ANO3: variants seen among roughly 807,000 people sequenced by gnomAD.
ANO3 encodes anoctamin-3.
A neutral mutation model predicts 144.8 loss-of-function variants in ANO3; 99 were observed. That is an observed-to-expected ratio of 0.68 (90% confidence interval 0.58 to 0.81). The LOEUF (loss-of-function observed/expected upper bound fraction) is 0.81, where lower values mean the gene tolerates loss of function less well. ANO3 is among the 30% of genes least tolerant of loss of function. The pLI, the probability that ANO3 is intolerant of heterozygous loss-of-function variation, is 0.00. For missense variants in ANO3, 905 were observed against 1,202.2 expected, an observed-to-expected ratio of 0.75 and a Z score of 3.66; for synonymous variants, 414 against 392.6, an observed-to-expected ratio of 1.05 and a Z score of -0.64.
rs529559571 is a variant in ANO3, at chr11:26,656,014, C to G, written c.2577-111C>G. The G allele has an allele frequency of 3.6e-6, 3 of 845,060 alleles. No homozygotes were observed. In the South Asian group the frequency reaches 5.4e-5, roughly 15 times the overall value. The allele number at this position is 845,060 out of a possible 1,614,324, so 52.3% of individuals were successfully genotyped here. On this transcript the variant is annotated intron_variant, in intron 24 of 26. Coordinates refer to ENST00000256737, the MANE Select transcript of ANO3 (RefSeq NM_031418.4). ...AAGAGCTTGGTTGCTAAAAGTTTAT[C>G]ATTAGAATGGAAAGAATAATACATT...
chr11:26,219,755 T>C (rs939903714), intron 1 of ANO3, among the ~76,000 whole-genome samples: 2 of 152,050 alleles, frequency 1.3e-5, no homozygotes, highest in Non-Finnish European at 2.9e-5. Flanking sequence ...AATGTATTAC[T>C]TACAGATAGA....
In ANO3 at chr11:26,535,571, C is replaced by CTTTTT. The variant is rs72278856; in HGVS notation, c.976+1034_976+1038dup. Reference sequence around the variant, plus strand: ...AATACACTATGTTTCAAGACAGCCACTTTTTTTTTTTTTTTTTTTTTTTTT... The same window carrying CTTTTT: ...AATACACTATGTTTCAAGACAGCCACTTTTTTTTTTTTTTTTTTTTTTTTTTTTTT... On this transcript the variant is annotated intron_variant, in intron 9 of 26. Transcript: ENST00000256737. 2.4e-4 allele frequency among the ~76,000 whole-genome samples: 14 copies of CTTTTT among 58,610 alleles called. 3 individuals carry two copies. The highest frequency in any genetic ancestry group is 4.5e-4 in the African/African-American group (6 of 13,306). 38.5% of individuals were successfully genotyped at this position (58,610 alleles called of 152,430 possible). A position where few individuals can be genotyped will look rare whatever the true frequency, so the allele number is the denominator to read the frequency against.
At chr11:26,216,765 C>T (rs558368747) in intron 1 of ANO3, among the ~76,000 whole-genome samples, 1 of 152,118 alleles carries the variant, frequency 6.6e-6, no homozygotes, top group Admixed American at 6.6e-5. Flanking sequence ...TTGCTTTGCA[C>T]TCTGTCCAAC....
chr11:26,253,863 T>G (rs1852994882), intron 1 of ANO3, among the ~76,000 whole-genome samples: 1 of 152,096 alleles, frequency 6.6e-6, no homozygotes, highest in South Asian at 2.1e-4. Context: ...TTTTATGAGG[T>G]CTCAAGGACA....
chr11:26,295,866 A>G (rs1013952717), intron 1 of ANO3, among the ~76,000 whole-genome samples: 1 of 152,076 alleles, frequency 6.6e-6, no homozygotes, highest in African/African-American at 2.4e-5. Flanking sequence ...CACCCTTTTT[A>G]TGTTCTTCAT....
chr11:26,596,444 G>T (rs1166675374), intron 14 of ANO3, among the ~76,000 whole-genome samples: 1 of 152,110 alleles, frequency 6.6e-6, no homozygotes, highest in Non-Finnish European at 1.5e-5. Context: ...AAAGTACTGG[G>T]TTATCAATTC....
intron 1 of ANO3, among the ~76,000 whole-genome samples, chr11:26,401,708 C>G (rs1490981708): frequency 6.6e-6 from 1 of 151,932 alleles, no homozygotes; most frequent in East Asian, 1.9e-4. Flanking sequence ...AAAACTCCAG[C>G]TCTATTAAAA....
chr11:26,563,393 CTCTGTGTGTGTGTGTG>C, intron 14 of ANO3: 2 of 825,498 alleles, frequency 2.4e-6, no homozygotes, highest in Non-Finnish European at 3.4e-6. Flanking sequence ...GTGTTTCTCT[CTCTGTGTGTGTGTGTG>C]TGTGTGTGTG....
chr11:26,627,855 G>GCA (rs1852643375), intron 18 of ANO3, among the ~76,000 whole-genome samples: 1 of 99,040 alleles, frequency 1.0e-5, no homozygotes, highest in Admixed American at 1.1e-4. Flanking sequence ...GTGTGTGTGT[G>GCA]CGCCTGACAT....
intron 1 of ANO3, among the ~76,000 whole-genome samples, chr11:26,430,282 G>A (rs1858046093): frequency 6.6e-6 from 1 of 151,024 alleles, no homozygotes; most frequent in East Asian, 1.9e-4. Flanking sequence ...AAGGTTTAAT[G>A]GATAAGGTAG....
intron 1 of ANO3, among the ~76,000 whole-genome samples, chr11:26,291,913 C>A (rs1379483606): frequency 6.6e-6 from 1 of 152,084 alleles, no homozygotes; most frequent in Non-Finnish European, 1.5e-5. Flanking sequence ...TGAGGAGTAT[C>A]TTTGTGGCGT....
chr11:26,481,534 G>T (rs988490818), intron 4 of ANO3, among the ~76,000 whole-genome samples: 2 of 152,106 alleles, frequency 1.3e-5, no homozygotes, highest in African/African-American at 2.4e-5. Flanking sequence ...ATAACAAAAA[G>T]ACCTAAAATG....
chr11:26,565,900 A>G (rs1423524596), intron 14 of ANO3: 1 of 1,568,550 alleles, frequency 6.4e-7, no homozygotes, highest in Non-Finnish European at 8.6e-7. Flanking sequence ...AAGGAATCTG[A>G]AAGAAAATAA....
chr11:26,496,475 A>G (rs1272258262), intron 4 of ANO3, among the ~76,000 whole-genome samples: 1 of 152,058 alleles, frequency 6.6e-6, no homozygotes, highest in Non-Finnish European at 1.5e-5. Context: ...TTGATTTCTG[A>G]TTTCCACTTT....
intron 1 of ANO3, among the ~76,000 whole-genome samples, chr11:26,392,100 C>T (rs1326664976): frequency 6.6e-6 from 1 of 152,054 alleles, no homozygotes; most frequent in Non-Finnish European, 1.5e-5. Flanking sequence ...ACAGCATGCC[C>T]AAAACTCTCC....
chr11:26,661,473 G>A lies in ANO3; in HGVS notation c.*1029G>A, dbSNP rs559536570. The A allele has an allele frequency of 3.9e-5, 6 of 152,632 alleles. No homozygotes were observed. Among genetic ancestry groups the A allele is most frequent in the Admixed American group, 2.6e-4 (4 of 15,266 alleles). The allele number at this position is 152,632 out of a possible 1,614,324, so 9.5% of individuals were successfully genotyped here. A position where few individuals can be genotyped will look rare whatever the true frequency, so the allele number is the denominator to read the frequency against. On this transcript the variant is annotated 3_prime_UTR_variant, in exon 27 of 27. Transcript: ENST00000256737. ...TTATTCGGGAAAACTGAGGCCAGATGCTCTGCAACACTTACGCTTTTTCAA... is the reference window on the plus strand; with the variant it reads ...TTATTCGGGAAAACTGAGGCCAGATACTCTGCAACACTTACGCTTTTTCAA...
rs140023572 is a variant in ANO3 at position 26,597,705 on chromosome 11, G to A, written c.1448-660G>A. 7.7e-4 allele frequency among the ~76,000 whole-genome samples: 118 copies of A among 152,320 alleles called. 1 individual carries two copies. Among genetic ancestry groups the A allele is most frequent in the African/African-American group, 2.8e-3 (115 of 41,566 alleles). On this transcript the variant is annotated intron_variant, in intron 14 of 26. Transcript: ENST00000256737. ...TACCACAGATTTCTAAAACATATAT[G>A]TGAGTTCTTAGTTGTGTCCACAAAG...
chr11:26,467,680 C>A (rs987026965), intron 4 of ANO3, among the ~76,000 whole-genome samples: 1 of 150,844 alleles, frequency 6.6e-6, no homozygotes, highest in South Asian at 2.1e-4. Context: ...TATCCATTCG[C>A]CTGTTGATGG....
At chr11:26,575,746 C>G (rs1850968977) in intron 14 of ANO3, among the ~76,000 whole-genome samples, 1 of 152,104 alleles carries the variant, frequency 6.6e-6, no homozygotes, top group Admixed American at 6.6e-5. Context: ...AGTAGTAAAT[C>G]AGACATTTTC....
Sources: gnomAD v4.1 joint callset for allele counts (sites outside exome capture counted in the v4.1 genomes callset) on GRCh38, gnomAD v4.1.1 for gene constraint, MANE v1.5 for transcripts, NCBI Gene and HGNC (gene_info 2026-07-23, HGNC 2026-07-21) for gene names.